The following KITLG variants were observed in gnomAD, a reference collection of about 807,000 sequenced individuals.
KITLG encodes c-Kit ligand.
In KITLG, 13 loss-of-function variants were observed where a neutral mutation model predicts 34.1. That is an observed-to-expected ratio of 0.38 (90% CI 0.25 to 0.61). The LOEUF (loss-of-function observed/expected upper bound fraction) is 0.61, where lower values mean the gene tolerates loss of function less well. Ranked by LOEUF, KITLG falls within the 20% of genes least tolerant of loss-of-function variation. The probability of loss-of-function intolerance (pLI) is 0.60; values close to 1 mark genes in which losing one functional copy is unlikely to be tolerated. For missense variants in KITLG, 292 were observed against 318.9 expected (o/e 0.92, Z 0.64); for synonymous variants, 110 against 104.0 (o/e 1.06, Z -0.35).
intron 6 of KITLG, among the ~76,000 whole-genome samples, chr12:88,512,012 T>C (rs1177918175): frequency 2.0e-5 from 3 of 152,110 alleles, no homozygotes; most frequent in South Asian, 2.1e-4. Flanking sequence ...TATTAAACAA[T>C]CACTAACCAT....
chr12:88,524,435 T>G (rs773755742), intron 3 of KITLG, among the ~76,000 whole-genome samples: 2 of 152,180 alleles, frequency 1.3e-5, no homozygotes, highest in African/African-American at 2.4e-5. Flanking sequence ...TGTAATATGT[T>G]GCAGATGTAA....
intron 1 of KITLG, among the ~76,000 whole-genome samples, chr12:88,578,486 T>G (rs1370196642): frequency 6.6e-6 from 1 of 152,204 alleles, no homozygotes; most frequent in Non-Finnish European, 1.5e-5. Flanking sequence ...GTCACAATGT[T>G]TCAGACTAGA....
At chr12:88,542,639 C>G (rs941548193) in intron 2 of KITLG, among the ~76,000 whole-genome samples, 1 of 151,920 alleles carries the variant, frequency 6.6e-6, no homozygotes, top group Non-Finnish European at 1.5e-5. Flanking sequence ...TACACACACA[C>G]ACATGCACAC....
rs192948482 is a variant in KITLG at position 88,507,814 on chromosome 12, A to C, written c.605-677T>G. Among the ~76,000 whole-genome samples, 351 of 152,276 alleles carry C rather than the reference A, an allele frequency of 2.3e-3. 1 individual carries two copies. The highest frequency in any genetic ancestry group is 0.013 in the South Asian group (61 of 4,832). ...CATACTACGTCTAAATAAGAAACTCAATGAGAGAGAACATATATGGAATTG... is the reference window on the plus strand; with the variant it reads ...CATACTACGTCTAAATAAGAAACTCCATGAGAGAGAACATATATGGAATTG... On this transcript the variant is annotated intron_variant, in intron 6 of 9. Transcript: ENST00000644744.
At chr12:88,515,453 A>T in intron 6 of KITLG, 81 bp downstream of exon 6, 2 of 830,786 alleles carry the variant, frequency 2.4e-6, no homozygotes, top group Non-Finnish European at 4.2e-6. Context: ...TAAATGTAGA[A>T]GTTTCCTTGA....
rs1461795798 is a variant in KITLG at position 88,532,455 on chromosome 12, C to T, written c.178G>A (p.Gly60Arg). Residue 60 changes from glycine (G) to arginine (R), a missense_variant, in exon 3 of 10, where the codon GGG (glycine) becomes AGG (arginine). By Grantham distance (125) the Gly-to-Arg change is moderately radical. This residue lies in a region of KITLG where 152 missense variants were observed against 207.9 expected (regional missense o/e 0.73). Transcript: ENST00000644744. ...AGTTTACATACCAAAACATCCATCC[C>T]GGGGACATATTTGAGGGTTATCATG... ...DYMITLKYVP[G>R]MDVLPSHCWI... is the part of the protein sequence containing the mutation. 21 of 1,610,000 alleles carry T rather than the reference C, an allele frequency of 1.3e-5. No individual in the cohort carries two copies. The highest frequency in any genetic ancestry group is 1.7e-5 in the Non-Finnish European group (20 of 1,177,874).
chr12:88,575,128 A>T (rs376584535), intron 1 of KITLG, among the ~76,000 whole-genome samples: 6 of 152,330 alleles, frequency 3.9e-5, no homozygotes, highest in African/African-American at 1.4e-4. Context: ...GAAATAGAGA[A>T]TTTTAGAACC....
chr12:88,515,118 C>A (rs1287614106), intron 6 of KITLG, among the ~76,000 whole-genome samples: 1 of 151,690 alleles, frequency 6.6e-6, no homozygotes, highest in African/African-American at 2.4e-5. Flanking sequence ...TCTATACAAC[C>A]AGCATTTATA....
chr12:88,529,879 A>G (rs903925771), intron 3 of KITLG, among the ~76,000 whole-genome samples: 6 of 152,196 alleles, frequency 3.9e-5, no homozygotes, highest in African/African-American at 1.2e-4. Context: ...GTGGTGGCCA[A>G]GAAGAACAGT....
chr12:88,561,823 C>T (rs1289085719), intron 1 of KITLG, among the ~76,000 whole-genome samples: 2 of 152,206 alleles, frequency 1.3e-5, no homozygotes, highest in African/African-American at 4.8e-5. Context: ...GCCCTTTGTA[C>T]TTGCTGCTGC....
chr12:88,516,530 C>T lies in KITLG; in HGVS notation c.364-40G>A, dbSNP rs2291557. 139,890 of 1,373,050 alleles carry T rather than the reference C, an allele frequency of 0.1. 7,385 individuals carry two copies. The highest frequency in any genetic ancestry group is 0.11 in the Non-Finnish European group (110,348 of 978,082). 85.1% of individuals were successfully genotyped at this position (1,373,050 alleles called of 1,614,324 possible). On this transcript the variant is annotated intron_variant, in intron 4 of 9. Transcript: ENST00000644744. ...AGGATTACATTTTTCAAATAGTCTT[C>T]AGACTTAACTGAGGTGAAGATAATG...
chr12:88,571,674 A>G, intron 1 of KITLG, among the ~76,000 whole-genome samples: 1 of 152,180 alleles, frequency 6.6e-6, no homozygotes, highest in East Asian at 1.9e-4. Flanking sequence ...AAGTGTATTT[A>G]CTGAGCAGTT....
intron 2 of KITLG, among the ~76,000 whole-genome samples, chr12:88,540,109 A>T (rs1471359986): frequency 6.6e-6 from 1 of 152,142 alleles, no homozygotes; most frequent in Non-Finnish European, 1.5e-5. Context: ...CCTTATGATG[A>T]TGATTCCAAT....
At position 88,526,918 on chromosome 12, in the gene KITLG, G is replaced by C. The variant is rs1002808255; in HGVS notation, c.192+5523C>G. 1.5e-4 allele frequency among the ~76,000 whole-genome samples: 22 copies of C among 146,288 alleles called. 1 individual carries two copies. Among genetic ancestry groups the C allele is most frequent in the Middle Eastern group, 7.3e-3 (2 of 274 alleles). On this transcript the variant is annotated intron_variant, in intron 3 of 9. Coordinates refer to ENST00000644744, the MANE Select transcript of KITLG (RefSeq NM_000899.5). ...GAGTCTCGCTCTGTCACCCAGCCTG[G>C]AGTGCAGTGGTGCAATCTTGGCTCA...
Position 88,506,388 on chromosome 12 carries a change from G to T in KITLG, c.715-10C>A, listed in dbSNP as rs760089451. 6.3e-7 allele frequency: 1 copy of T among 1,577,268 alleles called. No individual in the cohort carries two copies. Among genetic ancestry groups the T allele is most frequent in the Non-Finnish European group, 8.7e-7 (1 of 1,146,666 alleles). ...GACTTGGCTGTCTCTTCTGGAAAAA[G>T]AAGAAAGACATATACTGTAAAATAA... On this transcript the variant is annotated splice_polypyrimidine_tract_variant and intron_variant, in intron 7 of 9. Transcript: ENST00000644744.
In KITLG at chr12:88,541,951, G is replaced by T. The variant is rs549601574; in HGVS notation, c.129+3801C>A. On this transcript the variant is annotated intron_variant, in intron 2 of 9. Coordinates refer to ENST00000644744, the MANE Select transcript of KITLG (RefSeq NM_000899.5). ...TGCAAAGATGAAACTGGTAGGGGCT[G>T]CAAAGGAATGATTTCCATTGAAGGA... Among the ~76,000 whole-genome samples the T allele has an allele frequency of 2.6e-5, 4 of 152,294 alleles. No individual in the cohort carries two copies. In the South Asian group the frequency reaches 8.3e-4, roughly 32 times the overall value.
At chr12:88,558,314 A>G (rs775369985) in intron 1 of KITLG, among the ~76,000 whole-genome samples, 6 of 150,850 alleles carry the variant, frequency 4.0e-5, no homozygotes, top group Middle Eastern at 6.8e-3. Context: ...AGTTCCCCCC[A>G]CCCCTCACGA....
intron 3 of KITLG, among the ~76,000 whole-genome samples, chr12:88,522,679 C>T (rs879909066): frequency 1.3e-5 from 2 of 152,050 alleles, no homozygotes; most frequent in African/African-American, 2.4e-5. Context: ...CCACCCATCT[C>T]GGTTTCCCAA....
At chr12:88,511,690 C>T (rs1185353400) in intron 6 of KITLG, among the ~76,000 whole-genome samples, 1 of 152,062 alleles carries the variant, frequency 6.6e-6, no homozygotes, top group East Asian at 1.9e-4. Context: ...TAACCAAACA[C>T]CAAACTCATG....
Sources: allele counts gnomAD v4.1 joint callset (sites outside exome capture counted in the v4.1 genomes callset), GRCh38; gene constraint gnomAD v4.1.1; regional missense constraint gnomAD v4.1.1; transcripts MANE v1.5; gene names NCBI Gene and HGNC (gene_info 2026-07-23, HGNC 2026-07-21).